The following ADPRHL1 variants were observed in gnomAD, a reference collection of about 807,000 sequenced individuals.
ADPRHL1 encodes inactive ADP-ribosyltransferase ARH2.
ADPRHL1 carries 43 observed loss-of-function variants against 44.1 expected under a neutral mutation model. The observed-to-expected ratio is 0.98, with a 90% CI of 0.76 to 1.26. ADPRHL1 has a LOEUF of 1.26. Among genes scored for constraint, ADPRHL1 ranks in the 50% most tolerant of loss-of-function variants. The pLI is 0.00. For missense variants in ADPRHL1, 2,022 were observed against 2,496.9 expected (o/e 0.81, Z 4.05); for synonymous variants, 878 against 1,017.4 (o/e 0.86, Z 2.61).
In ADPRHL1 at chr13:113,406,568, A is replaced by G; in HGVS notation, c.2714T>C (p.Leu905Pro). 8.1e-7 allele frequency: 1 copy of G among 1,231,830 alleles called. No homozygotes were observed. The highest frequency in any genetic ancestry group is 1.0e-6 in the Non-Finnish European group (1 of 987,940). The allele number at this position is 1,231,830 out of a possible 1,614,324, so 76.3% of individuals were successfully genotyped here. A position where few individuals can be genotyped will look rare whatever the true frequency, so the allele number is the denominator to read the frequency against. ...GCTGAGTCCCGCCTGCATCCCTGAAAGCTTGCTCAGTTCCACTGGGGCTCG... is the reference window on the plus strand; with the variant it reads ...GCTGAGTCCCGCCTGCATCCCTGAAGGCTTGCTCAGTTCCACTGGGGCTCG... ...GHRAPVELSKLSGMQAGLSAS... is the reference protein window; with the variant it reads ...GHRAPVELSKPSGMQAGLSAS... The change falls in exon 8 of 8, where the codon CTT becomes CCT. Residue 905 changes from leucine to proline, a missense_variant. This residue lies in a region of ADPRHL1 where 1,221 missense variants were observed against 1,517.8 expected (regional missense o/e 0.80). Transcript: ENST00000612156.
intron 7 of ADPRHL1, among the ~76,000 whole-genome samples, chr13:113,420,867 C>A (rs2139613697): frequency 6.6e-6 from 1 of 151,330 alleles, no homozygotes; most frequent in Non-Finnish European, 1.5e-5. Flanking sequence ...ACACCTAGCC[C>A]CAGGACCCGC....
intron 7 of ADPRHL1, chr13:113,410,145 AC>A: frequency 1.0e-6 from 1 of 985,276 alleles, no homozygotes; most frequent in African/African-American, 1.7e-5. Context: ...GACGGACCCC[AC>A]ACGGAGGAGT....
chr13:113,425,426 G>A (rs1241097919), intron 4 of ADPRHL1, among the ~76,000 whole-genome samples: 5 of 152,194 alleles, frequency 3.3e-5, no homozygotes, highest in Admixed American at 1.3e-4. Context: ...TTCCTGAGAC[G>A]AAGTCTCCCT....
At chr13:113,427,560 C>T (rs1356079521) in intron 4 of ADPRHL1, among the ~76,000 whole-genome samples, 3 of 150,764 alleles carry the variant, frequency 2.0e-5, no homozygotes, top group African/African-American at 4.9e-5. Context: ...TTTTTTGAGA[C>T]GGAGTCTCTG....
intron 6 of ADPRHL1, among the ~76,000 whole-genome samples, chr13:113,423,373 C>G (rs1401173626): frequency 6.6e-6 from 1 of 152,158 alleles, no homozygotes; most frequent in African/African-American, 2.4e-5. Flanking sequence ...CAGTGAGGTG[C>G]CAGGAAGGTG....
chr13:113,426,446 G>A (rs535779952), intron 4 of ADPRHL1, among the ~76,000 whole-genome samples: 2 of 152,368 alleles, frequency 1.3e-5, no homozygotes, highest in African/African-American at 2.4e-5. Flanking sequence ...TGTCTGCCTG[G>A]CCGTGGTTGG....
intron 3 of ADPRHL1, among the ~76,000 whole-genome samples, chr13:113,431,536 T>TG (rs1463060861): frequency 6.6e-6 from 1 of 152,224 alleles, no homozygotes; most frequent in Non-Finnish European, 1.5e-5. Context: ...TCTGGACTCA[T>TG]GGGAGCACGC....
rs1185146817 is a variant in ADPRHL1, at chr13:113,433,725, C to A, written c.505+17G>T. On this transcript the variant is annotated intron_variant, in intron 3 of 7. Coordinates refer to ENST00000612156, the MANE Select transcript of ADPRHL1 (RefSeq NM_001394807.1). ...CACTCCACGCTGACCTCCCTCCCAC[C>A]CCCCGCCCACACTTACCTGTGGGAT... 4 of 1,577,098 alleles carry A rather than the reference C, an allele frequency of 2.5e-6. No individual in the cohort carries two copies. Among genetic ancestry groups the A allele is most frequent in the South Asian group, 2.3e-5 (2 of 86,950 alleles).
At position 113,407,249 on chromosome 13, in the gene ADPRHL1, T is replaced by A. The variant is rs1566464912; in HGVS notation, c.2033A>T (p.Glu678Val). 1 of 1,231,966 alleles carries A rather than the reference T, an allele frequency of 8.1e-7. No individual in the cohort carries two copies. The highest frequency in any genetic ancestry group is 1.6e-5 in the African/African-American group (1 of 64,396). The allele number at this position is 1,231,966 out of a possible 1,614,324, so 76.3% of individuals were successfully genotyped here. ...KAVGKGPLEE[E>V]PQRQPRPSKP... ...CGAGGGCCTTGGCTGTCTTTGGGGC[T>A]CCTCCTCCAGGGGCCCCTTTCCCAC... The change falls in exon 8 of 8, where the codon GAG (glutamate) becomes GTG (valine). Residue 678 changes from glutamate to valine, a missense_variant. This residue lies in a region of ADPRHL1 where 1,221 missense variants were observed against 1,517.8 expected (regional missense o/e 0.80). Transcript: ENST00000612156.
At chr13:113,451,516 CCTT>C (rs1489157519) in intron 1 of ADPRHL1, among the ~76,000 whole-genome samples, 1 of 152,124 alleles carries the variant, frequency 6.6e-6, no homozygotes, top group Non-Finnish European at 1.5e-5. Context: ...CTTACTTCCT[CCTT>C]AAGAATAGCG....
rs1331098988 is a variant in ADPRHL1 at position 113,400,266 on chromosome 13, C to T, written c.*3112G>A. On this transcript the variant is annotated 3_prime_UTR_variant, in exon 8 of 8. Transcript: ENST00000612156. ...GTTCACGCCATTCTCCTGTCTCAGG[C>T]TCCCGAGTAGCTGGGACTACAGGCA... The T allele has an allele frequency of 3.3e-5, 5 of 149,712 alleles. No individual in the cohort carries two copies. Among genetic ancestry groups the T allele is most frequent in the African/African-American group, 9.8e-5 (4 of 40,806 alleles). The allele number at this position is 149,712 out of a possible 1,614,324, so 9.3% of individuals were successfully genotyped here.
At chr13:113,424,601 T>C (rs913017871) in intron 5 of ADPRHL1, among the ~76,000 whole-genome samples, 4 of 146,720 alleles carry the variant, frequency 2.7e-5, no homozygotes, top group African/African-American at 1.0e-4. Flanking sequence ...ATTACAGGCG[T>C]ACACCAGCAC....
At chr13:113,411,411 A>G (rs1049279485) in intron 7 of ADPRHL1, among the ~76,000 whole-genome samples, 13 of 152,240 alleles carry the variant, frequency 8.5e-5, no homozygotes, top group Non-Finnish European at 4.4e-5. Flanking sequence ...GACTAGCTGC[A>G]TGTCCTCCTT....
chr13:113,434,102 T>C (rs1035332949), intron 2 of ADPRHL1, among the ~76,000 whole-genome samples: 3 of 152,224 alleles, frequency 2.0e-5, no homozygotes, highest in African/African-American at 7.2e-5. Context: ...ACAGAACGTT[T>C]GATGGCCTGG....
rs942854148 is a variant in ADPRHL1 at position 113,405,943 on chromosome 13, C to G, written c.3339G>C (p.Ala1113=). ...TCGCAACGCTCCCTGCAGCTGCCAT[C>G]GCCCCACAGGCTTTCATACCTGGTT... The part of the protein sequence containing the change: ...PPKPGMKACG[A]MAAAGSVASR... The change falls in exon 8 of 8, where the codon GCG becomes GCC. Residue 1113 remains alanine (A), a synonymous_variant. Transcript: ENST00000612156. 2.4e-6 allele frequency: 3 copies of G among 1,232,056 alleles called. No individual in the cohort carries two copies. In the East Asian group the frequency reaches 9.5e-5, roughly 39 times the overall value. The allele number at this position is 1,232,056 out of a possible 1,614,324, so 76.3% of individuals were successfully genotyped here. A position where few individuals can be genotyped will look rare whatever the true frequency, so the allele number is the denominator to read the frequency against.
At position 113,433,736 on chromosome 13, in the gene ADPRHL1, A is replaced by C. The variant is rs2044024170; in HGVS notation, c.505+6T>G. ...GACCTCCCTCCCACCCCCCGCCCAC[A>C]CTTACCTGTGGGATGGTTGTGGGTC... is the stretch of plus-strand genomic sequence containing the variant. On this transcript the variant is annotated splice_donor_region_variant and intron_variant, in intron 3 of 7. Transcript: ENST00000612156. The C allele has an allele frequency of 6.7e-7, 1 of 1,503,520 alleles. No homozygotes were observed. Among genetic ancestry groups the C allele is most frequent in the Non-Finnish European group, 8.9e-7 (1 of 1,126,580 alleles). The allele number at this position is 1,503,520 out of a possible 1,614,324, so 93.1% of individuals were successfully genotyped here.
intron 2 of ADPRHL1, among the ~76,000 whole-genome samples, chr13:113,434,492 T>G (rs28595627): frequency 6.9e-6 from 1 of 144,664 alleles, no homozygotes; most frequent in African/African-American, 2.6e-5. Context: ...AGAGTGAACA[T>G]AGGTGTACCC....
chr13:113,419,141 G>C (rs1345949619), intron 7 of ADPRHL1, among the ~76,000 whole-genome samples: 1 of 35,086 alleles, frequency 2.9e-5, no homozygotes, highest in East Asian at 7.5e-4. Flanking sequence ...GGGTCTTACT[G>C]TGTTACCCAG....
Position 113,404,493 on chromosome 13 carries a change from G to C in ADPRHL1, c.4789C>G (p.Gln1597Glu). 1 of 1,315,884 alleles carries C rather than the reference G, an allele frequency of 7.6e-7. No individual in the cohort carries two copies. Among genetic ancestry groups the C allele is most frequent in the Non-Finnish European group, 9.6e-7 (1 of 1,039,972 alleles). The allele number at this position is 1,315,884 out of a possible 1,614,324, so 81.5% of individuals were successfully genotyped here. ...WAQGQIQGQAQKQVQGEVQKW... is the reference protein window; with the variant it reads ...WAQGQIQGQAEKQVQGEVQKW... ...TGAACCTCTCCTTGAACCTGTTTCT[G>C]GGCCTGTCCCTGAATCTGCCCCTGA... is the stretch of plus-strand genomic sequence containing the variant. Residue 1597 changes from glutamine to glutamate, a missense_variant, in exon 8 of 8, where the codon CAG becomes GAG. This residue lies in a region of ADPRHL1 where 78 missense variants were observed against 76.5 expected (regional missense o/e 1.02). Transcript: ENST00000612156.
Sources: allele counts gnomAD v4.1 joint callset (sites outside exome capture counted in the v4.1 genomes callset), GRCh38; gene constraint gnomAD v4.1.1; regional missense constraint gnomAD v4.1.1; transcripts MANE v1.5; gene names NCBI Gene and HGNC (gene_info 2026-07-23, HGNC 2026-07-21).